The following ITPRID2 variants were observed in gnomAD, a reference collection of about 807,000 sequenced individuals.
The protein encoded by ITPRID2 is protein ITPRID2.
Under a neutral mutation model 124.3 loss-of-function variants are expected in ITPRID2, and 60 were observed. The ratio of observed to expected loss-of-function variants is 0.48; its 90% CI spans 0.39 to 0.60. The LOEUF (loss-of-function observed/expected upper bound fraction) is 0.60. ITPRID2 is among the 20% of genes least tolerant of loss of function. The probability of loss-of-function intolerance (pLI) is 0.00; values close to 1 mark genes in which losing one functional copy is unlikely to be tolerated. For missense variants in ITPRID2, 1,553 were observed against 1,512.2 expected (o/e 1.03, Z -0.45); for synonymous variants, 521 against 542.9 (o/e 0.96, Z 0.56).
At position 181,916,014 on chromosome 2, in the gene ITPRID2, G is replaced by A; in HGVS notation, c.2374G>A (p.Gly792Ser). ...ELEKRVMEHD[G>S]QSLVKSTIFI... is the part of the protein sequence containing the mutation. ...GGAAAAGCGGGTGATGGAACATGATGGTCAGTCTTTAGTTAAATCGACCAT... is the reference window on the plus strand; with the variant it reads ...GGAAAAGCGGGTGATGGAACATGATAGTCAGTCTTTAGTTAAATCGACCAT... The change falls in exon 11 of 18, where the codon GGT becomes AGT. Residue 792 changes from glycine to serine, a missense_variant. Coordinates refer to ENST00000431877, the MANE Select transcript of ITPRID2 (RefSeq NM_001130445.3). 1 of 1,614,122 alleles carries A rather than the reference G, an allele frequency of 6.2e-7. No homozygotes were observed. The highest frequency in any genetic ancestry group is 8.5e-7 in the Non-Finnish European group (1 of 1,180,026).
chr2:181,918,311 G>T (rs1559011219), intron 11 of ITPRID2: 2 of 1,145,568 alleles, frequency 1.7e-6, no homozygotes, highest in Admixed American at 4.4e-5. Context: ...TTTTGATTTT[G>T]TTTTTTTTTA....
chr2:181,928,686 C>T (rs980980864), intron 17 of ITPRID2, among the ~76,000 whole-genome samples: 3 of 150,976 alleles, frequency 2.0e-5, no homozygotes, highest in East Asian at 2.0e-4. Context: ...AGTGCAGTGG[C>T]GGGATCTCGG....
rs1399556262 is a variant in ITPRID2, at chr2:181,929,681, A to T, written c.*134A>T. 3 of 1,478,602 alleles carry T rather than the reference A, an allele frequency of 2.0e-6. No individual in the cohort carries two copies. The Admixed American group carries it at 5.7e-5, about 28-fold the overall frequency. 91.6% of individuals were successfully genotyped at this position (1,478,602 alleles called of 1,614,324 possible). A position where few individuals can be genotyped will look rare whatever the true frequency, so the allele number is the denominator to read the frequency against. On this transcript the variant is annotated 3_prime_UTR_variant, in exon 18 of 18. Transcript: ENST00000431877. ...AGCTGGGCTACTGTATACAGTGTAC[A>T]ATGTGTATTTCTTCAACCATATATT... is the stretch of plus-strand genomic sequence containing the variant.
chr2:181,914,576 C>G (rs1472985682), intron 10 of ITPRID2, among the ~76,000 whole-genome samples: 1 of 152,092 alleles, frequency 6.6e-6, no homozygotes. Flanking sequence ...AACAGAAACA[C>G]TGGGAGATGG....
intron 7 of ITPRID2, among the ~76,000 whole-genome samples, chr2:181,901,195 T>C (rs943390836): frequency 6.6e-6 from 1 of 152,306 alleles, no homozygotes; most frequent in African/African-American, 2.4e-5. Flanking sequence ...AGAAAAGAAG[T>C]AGGAGAGGAG....
At chr2:181,903,596 G>C (rs993308768) in intron 8 of ITPRID2, among the ~76,000 whole-genome samples, 1 of 145,028 alleles carries the variant, frequency 6.9e-6, no homozygotes. Context: ...TTGCCTTTTT[G>C]TGGTCTGTTA....
In ITPRID2 at chr2:181,915,371, G is replaced by A. The variant is rs370715485; in HGVS notation, c.1731G>A (p.Lys577=). Residue 577 remains lysine, a synonymous_variant, in exon 11 of 18, where the codon AAG becomes AAA. Coordinates refer to ENST00000431877, the MANE Select transcript of ITPRID2 (RefSeq NM_001130445.3). ...SEEESLVPLQ[K]GLEKAAAVAD... is the part of the protein sequence containing the mutation. ...AGGAGTCTCTTGTCCCTCTTCAGAA[G>A]GGACTAGAGAAGGCAGCAGCAGTTG... The A allele has an allele frequency of 1.1e-5, 17 of 1,614,042 alleles. No homozygotes were observed. The African/African-American group carries it at 1.5e-4, about 14-fold the overall frequency.
intron 17 of ITPRID2, among the ~76,000 whole-genome samples, chr2:181,928,758 T>TG (rs895286359): frequency 4.1e-4 from 63 of 152,120 alleles, no homozygotes; most frequent in Admixed American, 2.6e-3. Context: ...CCCAAGTAGC[T>TG]GGGACTACAG....
At position 181,918,592 on chromosome 2, in the gene ITPRID2, T is replaced by C. The variant is rs193034331; in HGVS notation, c.2788-6T>C. The C allele has an allele frequency of 2.5e-4, 402 of 1,613,540 alleles. 1 individual carries two copies. The highest frequency in any genetic ancestry group is 1.3e-3 in the Admixed American group (80 of 59,968). The stretch of plus-strand genomic sequence containing the variant: ...TGGTTTTAATCCTACTTTTACTTTT[T>C]TGAAGTACCCTATGATGAGAGGACC... On this transcript the variant is annotated splice_polypyrimidine_tract_variant and splice_region_variant and intron_variant, in intron 11 of 17. Transcript: ENST00000431877.
chr2:181,921,731 A>G (rs1574297310), intron 15 of ITPRID2, among the ~76,000 whole-genome samples: 1 of 152,152 alleles, frequency 6.6e-6, no homozygotes, highest in African/African-American at 2.4e-5. Flanking sequence ...CCTACTATGT[A>G]TTCTGTTTAC....
rs768378488 is a variant in ITPRID2 at position 181,919,497 on chromosome 2, T to C, written c.3144+51T>C. 6.7e-7 allele frequency: 1 copy of C among 1,490,094 alleles called. No homozygotes were observed. The highest frequency in any genetic ancestry group is 2.4e-5 in the Admixed American group (1 of 41,262). 92.3% of individuals were successfully genotyped at this position (1,490,094 alleles called of 1,614,324 possible). Reference sequence around the variant, plus strand: ...GTTTTCACCAAAGGTTTATTTATAATGTTCCAATAATTTAGGACGTGTGCC... The same window carrying C: ...GTTTTCACCAAAGGTTTATTTATAACGTTCCAATAATTTAGGACGTGTGCC... On this transcript the variant is annotated intron_variant, in intron 14 of 17. Coordinates refer to ENST00000431877, the MANE Select transcript of ITPRID2 (RefSeq NM_001130445.3). The surrounding 1 kb of genome is among the most constrained non-coding windows in gnomAD (Gnocchi z 4.2).
Position 181,892,204 on chromosome 2 carries a change from G to A in ITPRID2, c.138G>A (p.Ala46=), listed in dbSNP as rs554738080. 814 of 1,552,076 alleles carry A rather than the reference G, an allele frequency of 5.2e-4. 39 individuals carry two copies. In the South Asian group the frequency reaches 7.1e-3, roughly 13 times the overall value. The change falls in exon 1 of 18, where the codon GCG becomes GCA. Residue 46 remains alanine, a synonymous_variant. Transcript: ENST00000431877. This position sits in a 1 kb window ranked among gnomAD's most constrained non-coding sequence, Gnocchi z 5.2. ...AGACGGAGGATCTGTCCACAGAAGC[G>A]ACGACGCAGGACGAGGAGGAGGACG... ...ASETEDLSTE[A]TTQDEEEDEE... is the part of the protein sequence containing the mutation.
At chr2:181,925,051 A>C (rs1367686449) in intron 16 of ITPRID2, among the ~76,000 whole-genome samples, 5 of 152,222 alleles carry the variant, frequency 3.3e-5, no homozygotes, top group African/African-American at 1.2e-4. Context: ...GTGTTTAGAG[A>C]GTTATTTGTT....
At chr2:181,898,709 T>C (rs1692412322) in intron 4 of ITPRID2, 171 bp from the exon 5 acceptor site, 2 of 619,608 alleles carry the variant, frequency 3.2e-6, no homozygotes, top group Non-Finnish European at 5.7e-6. Flanking sequence ...CCTGTTCTTA[T>C]CTATCTGTAT....
intron 4 of ITPRID2, 102 bp from the exon 5 acceptor site, chr2:181,898,778 T>G (rs1332788259): frequency 1.2e-6 from 1 of 861,706 alleles, no homozygotes; most frequent in Non-Finnish European, 1.9e-6. Context: ...TATTTGGCAT[T>G]TAATTCTAAT....
chr2:181,912,361 G>T (rs2125090536), intron 9 of ITPRID2, among the ~76,000 whole-genome samples: 1 of 152,298 alleles, frequency 6.6e-6, no homozygotes, highest in Non-Finnish European at 1.5e-5. Context: ...ATCAGTACTG[G>T]TGGTAACAGC....
chr2:181,923,432 C>T (rs922350815), intron 16 of ITPRID2, among the ~76,000 whole-genome samples: 1 of 152,150 alleles, frequency 6.6e-6, no homozygotes, highest in Non-Finnish European at 1.5e-5. Context: ...ACTCTACCAA[C>T]TAAATGTTTA....
Position 181,919,483 on chromosome 2 carries a change from A to T in ITPRID2, c.3144+37A>T. The stretch of plus-strand genomic sequence containing the variant: ...GGAGGGTGGTCGGAGTTTTCACCAA[A>T]GGTTTATTTATAATGTTCCAATAAT... On this transcript the variant is annotated intron_variant, in intron 14 of 17. Transcript: ENST00000431877. The surrounding 1 kb of genome is among the most constrained non-coding windows in gnomAD (Gnocchi z 4.2). The T allele has an allele frequency of 6.6e-7, 1 of 1,506,488 alleles. No homozygotes were observed. Among genetic ancestry groups the T allele is most frequent in the Non-Finnish European group, 8.8e-7 (1 of 1,132,678 alleles). The allele number at this position is 1,506,488 out of a possible 1,614,324, so 93.3% of individuals were successfully genotyped here.
intron 8 of ITPRID2, among the ~76,000 whole-genome samples, chr2:181,909,606 A>G (rs2125085744): frequency 6.6e-6 from 1 of 152,334 alleles, no homozygotes; most frequent in East Asian, 1.9e-4. Context: ...TTTAAGAACT[A>G]ACCGTTACAG....
Sources: allele counts gnomAD v4.1 joint callset (sites outside exome capture counted in the v4.1 genomes callset), GRCh38; gene constraint gnomAD v4.1.1; non-coding constraint Gnocchi (gnomAD v3.1); transcripts MANE v1.5; gene names NCBI Gene and HGNC (gene_info 2026-07-23, HGNC 2026-07-21).